Variants in FERRY3 observed in about 807,000 individuals in gnomAD.
FERRY3 encodes protein C12orf4.
the FERRY3 span, chr12:4,525,091 A>T: frequency 9.7e-6 from 8 of 824,450 alleles, no homozygotes; most frequent in Non-Finnish European, 1.5e-5. Flanking sequence ...TAATCCACAT[A>T]AAGCCTATAA....
chr12:4,491,324 C>G, the FERRY3 span: 1 of 1,192,282 alleles, frequency 8.4e-7, no homozygotes, highest in Admixed American at 1.8e-5. Context: ...GTTGACTATC[C>G]ATGTTGTGAA....
the FERRY3 span, among the ~76,000 whole-genome samples, chr12:4,517,716 G>T: frequency 8.8e-5 from 13 of 147,914 alleles, no homozygotes; most frequent in African/African-American, 3.0e-4. Context: ...TAGACAGAGA[G>T]AGAGAGAGAG....
the FERRY3 span, among the ~76,000 whole-genome samples, chr12:4,503,970 A>C: frequency 6.6e-6 from 1 of 152,238 alleles, no homozygotes; most frequent in African/African-American, 2.4e-5. Flanking sequence ...CATGAAGAGA[A>C]ATACAATAGA....
At chr12:4,508,022 TA>T in the FERRY3 span, among the ~76,000 whole-genome samples, 1 of 152,178 alleles carries the variant, frequency 6.6e-6, no homozygotes, top group Admixed American at 6.5e-5. Context: ...TTTACCTATT[TA>T]AAAAATGATT....
chr12:4,515,307 T>C, the FERRY3 span, among the ~76,000 whole-genome samples: 7,688 of 152,298 alleles, frequency 0.05, 639 homozygotes, highest in African/African-American at 0.18. Context: ...AACTATCTTA[T>C]GATCCGGCAA....
At chr12:4,523,612 T>C in the FERRY3 span, among the ~76,000 whole-genome samples, 1 of 152,210 alleles carries the variant, frequency 6.6e-6, no homozygotes, top group African/African-American at 2.4e-5. Flanking sequence ...ATATACACCA[T>C]GGAATACTAC....
the FERRY3 span, among the ~76,000 whole-genome samples, chr12:4,525,875 G>C: frequency 1.3e-5 from 2 of 152,136 alleles, no homozygotes; most frequent in African/African-American, 4.8e-5. Context: ...CAATTACCAT[G>C]GCTAATGTTA....
the FERRY3 span, chr12:4,517,056 C>G: frequency 6.5e-7 from 1 of 1,538,264 alleles, no homozygotes; most frequent in Non-Finnish European, 8.8e-7. Context: ...GTGAGTTTTA[C>G]CCACCAAGTG....
At chr12:4,525,273 G>A in the FERRY3 span, 1 of 1,613,310 alleles carries the variant, frequency 6.2e-7, no homozygotes, top group South Asian at 1.1e-5. Context: ...CTGTTGTTGG[G>A]GTTTTTTAGG....
chr12:4,532,485 T>C, the FERRY3 span, among the ~76,000 whole-genome samples: 1 of 152,200 alleles, frequency 6.6e-6, no homozygotes, highest in Non-Finnish European at 1.5e-5. Context: ...GTAAATTCTT[T>C]TACCCCTGTA....
the FERRY3 span, among the ~76,000 whole-genome samples, chr12:4,522,563 G>C: frequency 6.6e-6 from 1 of 152,230 alleles, no homozygotes; most frequent in East Asian, 1.9e-4. Flanking sequence ...TACATTGGTG[G>C]TGGGAACGCA....
chr12:4,514,518 A>G, the FERRY3 span, among the ~76,000 whole-genome samples: 5 of 152,112 alleles, frequency 3.3e-5, no homozygotes, highest in East Asian at 1.9e-4. Context: ...GTGATAGACT[A>G]GATTAAGAAA....
At chr12:4,528,099 C>T in the FERRY3 span, among the ~76,000 whole-genome samples, 1 of 152,026 alleles carries the variant, frequency 6.6e-6, no homozygotes, top group East Asian at 1.9e-4. Context: ...AAGTTAGAGT[C>T]ACTCAACAGC....
At chr12:4,509,247 A>ACG in the FERRY3 span, 1 of 153,144 alleles carries the variant, frequency 6.5e-6, no homozygotes, top group African/African-American at 2.7e-5. Flanking sequence ...GGAGGGTCCT[A>ACG]CGCCCACGGA....
At chr12:4,521,251 T>C in the FERRY3 span, among the ~76,000 whole-genome samples, 215 of 151,848 alleles carry the variant, frequency 1.4e-3, 1 homozygote, top group East Asian at 0.011. Context: ...CCCAGCTACT[T>C]AGGAGGCTGA....
At chr12:4,525,426 A>C in the FERRY3 span, 6 of 1,600,526 alleles carry the variant, frequency 3.7e-6, no homozygotes, top group Admixed American at 3.5e-5. Flanking sequence ...AAAACAAACA[A>C]ACAAAAAAAC....
the FERRY3 span, among the ~76,000 whole-genome samples, chr12:4,523,850 C>A: frequency 1.9e-4 from 29 of 152,138 alleles, no homozygotes; most frequent in South Asian, 5.0e-3. Context: ...AGGAGATACA[C>A]CTAATGTAAA....
the FERRY3 span, chr12:4,502,339 T>C: frequency 2.3e-6 from 1 of 432,656 alleles, no homozygotes; most frequent in African/African-American, 2.1e-5. This position sits in a 1 kb window ranked among gnomAD's most constrained non-coding sequence, Gnocchi z 4.2. Flanking sequence ...TCGATAAGTA[T>C]TTGTTGAATG....
At chr12:4,503,293 A>T in the FERRY3 span, among the ~76,000 whole-genome samples, 1 of 152,150 alleles carries the variant, frequency 6.6e-6, no homozygotes, top group Non-Finnish European at 1.5e-5. Flanking sequence ...TGTTAAGAAG[A>T]TGTGATTTCT....
Sources: allele counts gnomAD v4.1 joint callset (sites outside exome capture counted in the v4.1 genomes callset), GRCh38; gene constraint gnomAD v4.1.1; non-coding constraint Gnocchi (gnomAD v3.1); transcripts MANE v1.5; gene names NCBI Gene and HGNC (gene_info 2026-07-23, HGNC 2026-07-21).